Variants in STAM observed in about 807,000 individuals in gnomAD.
STAM encodes the protein signal transducing adaptor molecule, also known as signal transducing adapter molecule 1.
STAM carries 16 observed loss-of-function variants against 63.4 expected under a neutral mutation model. The observed-to-expected ratio is 0.25, with a 90% CI of 0.17 to 0.38. The LOEUF (loss-of-function observed/expected upper bound fraction) is 0.38, where lower values mean the gene tolerates loss of function less well. Among genes scored for constraint, STAM ranks in the 10% least tolerant of loss-of-function variants. The probability of loss-of-function intolerance (pLI) is 1.00; values close to 1 mark genes in which losing one functional copy is unlikely to be tolerated. For synonymous variants in STAM, 238 were observed against 223.9 expected, an observed-to-expected ratio of 1.06 and a Z score of -0.56; for missense variants, 636 against 657.1, an observed-to-expected ratio of 0.97 and a Z score of 0.35.
intron 12 of STAM, among the ~76,000 whole-genome samples, chr10:17,707,038 C>A (rs1223708415): frequency 6.6e-6 from 1 of 150,980 alleles, no homozygotes; most frequent in African/African-American, 2.4e-5. Flanking sequence ...CGTTTGCTTT[C>A]TTTTCACCCC....
chr10:17,690,468 A>T (rs1381247721), intron 5 of STAM, among the ~76,000 whole-genome samples: 1 of 152,226 alleles, frequency 6.6e-6, no homozygotes, highest in Non-Finnish European at 1.5e-5. Context: ...AAATACATAT[A>T]AAGTAAAATA....
intron 2 of STAM, among the ~76,000 whole-genome samples, chr10:17,682,103 C>T (rs1200954318): frequency 1.3e-5 from 2 of 152,052 alleles, no homozygotes; most frequent in Non-Finnish European, 2.9e-5. Flanking sequence ...ATATATATAC[C>T]TATATAAGTA....
At position 17,708,905 on chromosome 10, in the gene STAM, G is replaced by T. The variant is rs368172602; in HGVS notation, c.1339G>T (p.Ala447Ser). 6.2e-7 allele frequency: 1 copy of T among 1,614,034 alleles called. No homozygotes were observed. The change falls in exon 13 of 14, where the codon GCA becomes TCA. Residue 447 changes from alanine (A) to serine (S), a missense_variant. Ala to Ser is a moderately conservative substitution (Grantham distance 99). Coordinates refer to ENST00000377524, the MANE Select transcript of STAM (RefSeq NM_003473.4). ...SLSQAVVPPS[A>S]NPALPSQQTQ... ...CAGCCAGGCAGTGGTCCCACCATCC[G>T]CAAACCCAGCCCTTCCTAGTCAGCA... is the stretch of plus-strand genomic sequence containing the variant.
intron 13 of STAM, among the ~76,000 whole-genome samples, chr10:17,713,522 G>A (rs539107171): frequency 1.3e-5 from 2 of 152,016 alleles, no homozygotes; most frequent in South Asian, 4.2e-4. Context: ...CCACCCCCGA[G>A]TCTACTATGG....
At chr10:17,698,321 A>AT (rs1182543361) in intron 8 of STAM, among the ~76,000 whole-genome samples, 4 of 151,568 alleles carry the variant, frequency 2.6e-5, no homozygotes, top group South Asian at 2.1e-4. Context: ...TTTTTGGACT[A>AT]TTTTTTTGTC....
At chr10:17,705,519 G>A in intron 11 of STAM, 69 bp from the exon 12 acceptor site, 1 of 1,498,314 alleles carries the variant, frequency 6.7e-7, no homozygotes, top group East Asian at 2.3e-5. Context: ...ATATTTTGAT[G>A]TATCATTATT....
chr10:17,677,493 A>G (rs1203255854), intron 2 of STAM, among the ~76,000 whole-genome samples: 1 of 152,174 alleles, frequency 6.6e-6, no homozygotes, highest in East Asian at 1.9e-4. Flanking sequence ...TTGTGTTTTT[A>G]TGTCGGCATG....
chr10:17,701,550 T>G (rs782579954), intron 9 of STAM, among the ~76,000 whole-genome samples: 8 of 152,192 alleles, frequency 5.3e-5, no homozygotes, highest in Non-Finnish European at 8.8e-5. Flanking sequence ...GCAACAGAGA[T>G]CATATGGCCT....
chr10:17,646,885 A>G (rs1356205780), intron 1 of STAM, among the ~76,000 whole-genome samples: 2 of 152,226 alleles, frequency 1.3e-5, no homozygotes, highest in Non-Finnish European at 2.9e-5. Context: ...CTCATTTGAT[A>G]CAGTTATTTA....
chr10:17,673,253 T>C (rs1834714357), intron 2 of STAM, among the ~76,000 whole-genome samples: 1 of 152,220 alleles, frequency 6.6e-6, no homozygotes, highest in Non-Finnish European at 1.5e-5. Context: ...TATAGTTCTA[T>C]TAACTACATT....
chr10:17,655,346 A>T (rs11593242), intron 1 of STAM, among the ~76,000 whole-genome samples: 17,197 of 152,176 alleles, frequency 0.11, 1,036 homozygotes, highest in Middle Eastern at 0.16. Context: ...TTCTTATGCA[A>T]GGAATTAATC....
chr10:17,692,405 G>A (rs1337436318), intron 5 of STAM, among the ~76,000 whole-genome samples: 2 of 152,204 alleles, frequency 1.3e-5, no homozygotes, highest in African/African-American at 2.4e-5. Context: ...GAGCCATAGG[G>A]GGAGAACGTT....
intron 2 of STAM, among the ~76,000 whole-genome samples, chr10:17,666,474 A>G (rs1834386747): frequency 7.0e-6 from 1 of 142,002 alleles, no homozygotes; most frequent in African/African-American, 2.7e-5. Flanking sequence ...GGCTCACTGC[A>G]AGCTCCGCCT....
chr10:17,688,912 T>C (rs371921230), intron 5 of STAM, among the ~76,000 whole-genome samples: 1 of 152,318 alleles, frequency 6.6e-6, no homozygotes, highest in Non-Finnish European at 1.5e-5. Flanking sequence ...AGAGATTCTT[T>C]TGTGGAGGAA....
At chr10:17,653,017 T>C (rs1382510706) in intron 1 of STAM, among the ~76,000 whole-genome samples, 8 of 152,214 alleles carry the variant, frequency 5.3e-5, no homozygotes, top group African/African-American at 1.9e-4. Context: ...TTTGTTATTT[T>C]TGGTGGGCCC....
Position 17,716,461 on chromosome 10 carries a change from C to T in STAM, c.*1681C>T, listed in dbSNP as rs576918870. 1.3e-5 allele frequency among the ~76,000 whole-genome samples: 2 copies of T among 152,142 alleles called. No individual in the cohort carries two copies. The highest frequency in any genetic ancestry group is 2.1e-4 in the South Asian group (1 of 4,818). On this transcript the variant is annotated 3_prime_UTR_variant, in exon 14 of 14. Coordinates refer to ENST00000377524, the MANE Select transcript of STAM (RefSeq NM_003473.4). ...GATTTCCTGTGTTTAAAATATGTTG[C>T]CCTGCCCTGAAGTCAAATTTCACAT...
At chr10:17,675,890 A>G (rs1462701388) in intron 2 of STAM, among the ~76,000 whole-genome samples, 1 of 152,164 alleles carries the variant, frequency 6.6e-6, no homozygotes, top group Non-Finnish European at 1.5e-5. Context: ...AAGGGCCGGT[A>G]TCCTTTTGCA....
intron 7 of STAM, 44 bp downstream of exon 7, chr10:17,695,285 G>T: frequency 6.4e-7 from 1 of 1,553,814 alleles, no homozygotes; most frequent in Non-Finnish European, 8.8e-7. Context: ...AAGTGTGTAT[G>T]GCTTCTGTGT....
At chr10:17,696,308 C>G (rs914296332) in intron 7 of STAM, among the ~76,000 whole-genome samples, 2 of 151,826 alleles carry the variant, frequency 1.3e-5, no homozygotes, top group Non-Finnish European at 2.9e-5. Flanking sequence ...GGAGTGTACT[C>G]TTTGCGAATG....
Sources: gnomAD v4.1 joint callset for allele counts (sites outside exome capture counted in the v4.1 genomes callset) on GRCh38, gnomAD v4.1.1 for gene constraint, MANE v1.5 for transcripts, NCBI Gene and HGNC (gene_info 2026-07-23, HGNC 2026-07-21) for gene names.